The following RBFOX1 variants were observed in gnomAD, a reference collection of about 807,000 sequenced individuals.
RBFOX1 encodes the protein RNA binding fox-1 homolog 1.
Under a neutral mutation model 57.7 loss-of-function variants are expected in RBFOX1, and 8 were observed. That is an observed-to-expected ratio of 0.14 (90% confidence interval 0.08 to 0.25). The LOEUF (loss-of-function observed/expected upper bound fraction) is 0.25, where lower values mean the gene tolerates loss of function less well. Among genes scored for constraint, RBFOX1 ranks in the 10% least tolerant of loss-of-function variants. The pLI is 1.00. For missense variants in RBFOX1, 611 were observed against 548.5 expected, an observed-to-expected ratio of 1.11 and a Z score of -1.14; for synonymous variants, 326 against 222.4, an observed-to-expected ratio of 1.47 and a Z score of -4.15.
At chr16:5,817,761 C>G (rs1487106405) in intron 3 of RBFOX1, among the ~76,000 whole-genome samples, 10 of 149,420 alleles carry the variant, frequency 6.7e-5, no homozygotes, top group Non-Finnish European at 1.2e-4. Context: ...GTGGCGCAGT[C>G]TGGGCTCACT....
intron 3 of RBFOX1, among the ~76,000 whole-genome samples, chr16:5,783,800 G>A (rs9940764): frequency 0.29 from 43,708 of 151,962 alleles, 6,684 homozygotes; most frequent in East Asian, 0.55. Context: ...TGTTCCCAGG[G>A]GGCAGGCTCC....
intron 1 of RBFOX1, among the ~76,000 whole-genome samples, chr16:6,061,493 A>C (rs1241566124): frequency 6.6e-6 from 1 of 151,794 alleles, no homozygotes; most frequent in Non-Finnish European, 1.5e-5. Flanking sequence ...TATAACATAT[A>C]ATGGTAATAT....
chr16:7,392,031 T>C (rs932417101), intron 4 of RBFOX1, among the ~76,000 whole-genome samples: 21 of 152,248 alleles, frequency 1.4e-4, no homozygotes, highest in African/African-American at 4.8e-4. Context: ...CAATCTCATT[T>C]CATGCTTTGC....
At chr16:5,988,542 T>C (rs554023234) in intron 4 of RBFOX1, among the ~76,000 whole-genome samples, 1 of 152,300 alleles carries the variant, frequency 6.6e-6, no homozygotes, top group African/African-American at 2.4e-5. Flanking sequence ...ATCAGAACCA[T>C]CTGCTGTTAC....
intron 3 of RBFOX1, among the ~76,000 whole-genome samples, chr16:7,029,225 C>CGTATACGTATATATATACACAT (rs2042114257): frequency 2.2e-5 from 1 of 45,436 alleles, no homozygotes; most frequent in African/African-American, 1.2e-4. Flanking sequence ...TATATACACA[C>CGTATACGTATATATATACACAT]ATATATATAC....
chr16:6,639,647 C>G (rs182587827), intron 2 of RBFOX1, among the ~76,000 whole-genome samples: 1 of 152,034 alleles, frequency 6.6e-6, no homozygotes, highest in South Asian at 2.1e-4. Context: ...GAGGCCGAGG[C>G]GGGCGGATCA....
At chr16:7,186,756 A>G (rs1265989659) in intron 4 of RBFOX1, among the ~76,000 whole-genome samples, 1 of 150,686 alleles carries the variant, frequency 6.6e-6, no homozygotes, top group African/African-American at 2.4e-5. Context: ...CAATGACATT[A>G]TTATAACTAA....
chr16:6,277,387 G>T (rs1362446553), intron 1 of RBFOX1, among the ~76,000 whole-genome samples: 3 of 148,752 alleles, frequency 2.0e-5, no homozygotes, highest in African/African-American at 7.6e-5. Context: ...AATATGGGAG[G>T]CTGAGGCAGC....
chr16:7,519,873 GTTTTGTTTTTGT>G (rs147274140), intron 5 of RBFOX1: 10 of 373,522 alleles, frequency 2.7e-5, no homozygotes, highest in East Asian at 3.3e-4. Context: ...TAGTTTTGAC[GTTTTGTTTTTGT>G]TTTTGTTTTT....
intron 2 of RBFOX1, among the ~76,000 whole-genome samples, chr16:5,489,666 C>G (rs1451745906): frequency 6.6e-6 from 1 of 152,138 alleles, no homozygotes; most frequent in African/African-American, 2.4e-5. Flanking sequence ...TCAGAGCCAC[C>G]CAGAGGAAGG....
intron 3 of RBFOX1, among the ~76,000 whole-genome samples, chr16:7,044,279 A>G (rs1390810182): frequency 6.6e-6 from 1 of 152,230 alleles, no homozygotes; most frequent in African/African-American, 2.4e-5. Flanking sequence ...AGAAAAGGAA[A>G]GCCACCTAAG....
At chr16:7,474,629 TG>T (rs2062253039) in intron 4 of RBFOX1, among the ~76,000 whole-genome samples, 1 of 152,346 alleles carries the variant, frequency 6.6e-6, no homozygotes, top group South Asian at 2.1e-4. Flanking sequence ...TTAAGGAGCC[TG>T]GCTCTAAAGT....
Position 6,933,204 on chromosome 16 carries a change from G to A in RBFOX1, c.-15-118853G>A, listed in dbSNP as rs112073528. ...ACTGTGAATGATGCTATGAACGGGA[G>A]TGTACAATACCTTTCAGAGTCCCTG... On this transcript the variant is annotated intron_variant, in intron 3 of 15. Coordinates refer to ENST00000550418, the MANE Select transcript of RBFOX1 (RefSeq NM_018723.4). Among the ~76,000 whole-genome samples the A allele has an allele frequency of 6.2e-3, 940 of 152,298 alleles. 9 individuals are homozygous for A. The highest frequency in any genetic ancestry group is 0.022 in the African/African-American group (907 of 41,548).
At chr16:5,409,027 T>C (rs959919829) in intron 1 of RBFOX1, among the ~76,000 whole-genome samples, 3 of 152,250 alleles carry the variant, frequency 2.0e-5, no homozygotes, top group African/African-American at 7.2e-5. Flanking sequence ...GGGTGAAACC[T>C]GTGGCTATCT....
At chr16:6,141,050 C>CGTCATTTTCATCCTCTTAATTCTCTGT (rs2096712044) in intron 1 of RBFOX1, among the ~76,000 whole-genome samples, 1 of 152,154 alleles carries the variant, frequency 6.6e-6, no homozygotes, top group South Asian at 2.1e-4. Context: ...TGGAGCTCTG[C>CGTCATTTTCATCCTCTTAATTCTCTGT]GTCATTTTCA....
intron 3 of RBFOX1, among the ~76,000 whole-genome samples, chr16:5,613,341 C>A (rs538129261): frequency 4.9e-4 from 75 of 152,290 alleles, no homozygotes; most frequent in African/African-American, 1.8e-3. Context: ...CTACCAGGTT[C>A]TTGACAGAGG....
intron 4 of RBFOX1, among the ~76,000 whole-genome samples, chr16:7,194,896 C>G (rs949889175): frequency 5.5e-5 from 8 of 145,392 alleles, no homozygotes; most frequent in Admixed American, 3.6e-4. Context: ...CCACTGCACT[C>G]CAGCTTGGGC....
At chr16:6,368,143 G>A (rs1159648742) in intron 2 of RBFOX1, among the ~76,000 whole-genome samples, 1 of 152,130 alleles carries the variant, frequency 6.6e-6, no homozygotes, top group African/African-American at 2.4e-5. Flanking sequence ...TTCATTGGCT[G>A]TTTTTCTCTC....
At chr16:6,273,838 T>C (rs1423834367) in intron 1 of RBFOX1, among the ~76,000 whole-genome samples, 1 of 151,974 alleles carries the variant, frequency 6.6e-6, no homozygotes, top group Non-Finnish European at 1.5e-5. Context: ...CTAGAATATA[T>C]GAGGAACTCT....
Sources: gnomAD v4.1 joint callset for allele counts (sites outside exome capture counted in the v4.1 genomes callset) on GRCh38, gnomAD v4.1.1 for gene constraint, MANE v1.5 for transcripts, NCBI Gene and HGNC (gene_info 2026-07-23, HGNC 2026-07-21) for gene names.